The following BLOC1S6 variants were observed in gnomAD, a reference collection of about 807,000 sequenced individuals.
BLOC1S6 encodes biogenesis of lysosome-related organelles complex 1 subunit 6.
A neutral mutation model predicts 24.7 loss-of-function variants in BLOC1S6; 24 were observed. The observed-to-expected ratio is 0.97, with a 90% CI of 0.70 to 1.37. The LOEUF (loss-of-function observed/expected upper bound fraction) is 1.37, where lower values mean the gene tolerates loss of function less well. BLOC1S6 is among the 40% of genes most tolerant of loss of function. BLOC1S6 has a pLI of 0.00. For missense variants in BLOC1S6, 175 were observed against 196.2 expected, an observed-to-expected ratio of 0.89 and a Z score of 0.64; for synonymous variants, 76 against 72.6, an observed-to-expected ratio of 1.05 and a Z score of -0.23.
chr15:45,587,516 C>G lies in BLOC1S6; in HGVS notation c.73C>G (p.Pro25Ala). The change falls in exon 1 of 5, where the codon CCG becomes GCG. Residue 25 changes from proline (P) to alanine (A), a missense_variant. By Grantham distance (27) the Pro-to-Ala change is conservative. Coordinates refer to ENST00000220531, the MANE Select transcript of BLOC1S6 (RefSeq NM_012388.4). ...RPPYCLEAGE[P>A]TPGLSDTSPD... ...ACCCTACTGCCTGGAGGCCGGGGAG[C>G]CGACGCCTGGTACGTACTATCGGGT... 6.4e-7 allele frequency: 1 copy of G among 1,574,358 alleles called. No homozygotes were observed. The highest frequency in any genetic ancestry group is 8.6e-7 in the Non-Finnish European group (1 of 1,160,418).
At position 45,609,263 on chromosome 15, in the gene BLOC1S6, A is replaced by G. The variant is rs1383787280; in HGVS notation, c.*2749A>G. 6.6e-6 allele frequency: 1 copy of G among 152,146 alleles called. No individual in the cohort carries two copies. Among genetic ancestry groups the G allele is most frequent in the Non-Finnish European group, 1.5e-5 (1 of 68,044 alleles). The allele number at this position is 152,146 out of a possible 1,614,324, so 9.4% of individuals were successfully genotyped here. Reference sequence around the variant, plus strand: ...TTTGAGCCCAGGAGTTCAAGGCTGCAGTGAATTCTGATCGCACCACTGAAC... The same window carrying G: ...TTTGAGCCCAGGAGTTCAAGGCTGCGGTGAATTCTGATCGCACCACTGAAC... On this transcript the variant is annotated 3_prime_UTR_variant, in exon 5 of 5. Transcript: ENST00000220531.
chr15:45,605,779 A>G, intron 4 of BLOC1S6: 3 of 380,506 alleles, frequency 7.9e-6, no homozygotes, highest in Non-Finnish European at 1.5e-5. Context: ...TAGTAGAGAC[A>G]GCGTTCTACC....
At position 45,607,589 on chromosome 15, in the gene BLOC1S6, A is replaced by G. The variant is rs898796826; in HGVS notation, c.*1075A>G. On this transcript the variant is annotated 3_prime_UTR_variant, in exon 5 of 5. Coordinates refer to ENST00000220531, the MANE Select transcript of BLOC1S6 (RefSeq NM_012388.4). ...AAAGATTGAGACCATCCTGGCCAACATGGTGAAACCCCGTCTCTACTAGAA... is the reference window on the plus strand; with the variant it reads ...AAAGATTGAGACCATCCTGGCCAACGTGGTGAAACCCCGTCTCTACTAGAA... The G allele has an allele frequency of 6.6e-6, 1 of 152,246 alleles. No individual in the cohort carries two copies. The highest frequency in any genetic ancestry group is 1.5e-5 in the Non-Finnish European group (1 of 68,090). 9.4% of individuals were successfully genotyped at this position (152,246 alleles called of 1,614,324 possible).
intron 2 of BLOC1S6, 92 bp from the exon 3 acceptor site, chr15:45,603,008 T>C (rs1894322741): frequency 5.0e-6 from 4 of 803,480 alleles, no homozygotes; most frequent in Non-Finnish European, 8.7e-6. Flanking sequence ...CTTAACTAAC[T>C]GTTACCATTA....
intron 3 of BLOC1S6, among the ~76,000 whole-genome samples, chr15:45,604,532 T>A (rs1400725111): frequency 1.3e-5 from 2 of 152,198 alleles, no homozygotes; most frequent in Non-Finnish European, 2.9e-5. Flanking sequence ...TACTGTTGCT[T>A]TAGTCTGAAG....
rs776611013 is a variant in BLOC1S6 at position 45,605,402 on chromosome 15, C to A, written c.313-26C>A. 3.2e-6 allele frequency: 5 copies of A among 1,548,194 alleles called. No homozygotes were observed. In the Admixed American group the frequency reaches 8.4e-5, roughly 26 times the overall value. On this transcript the variant is annotated intron_variant, in intron 3 of 4. Coordinates refer to ENST00000220531, the MANE Select transcript of BLOC1S6 (RefSeq NM_012388.4). ...GATATTTTAGTCTATTTTAACTTGA[C>A]TTTTCATTTATTTTTCCATGTTAAG...
At chr15:45,587,761 A>T in intron 1 of BLOC1S6, 2 of 703,098 alleles carry the variant, frequency 2.8e-6, no homozygotes, top group Admixed American at 4.0e-5. Context: ...AAGGCGGTTG[A>T]TGGTGAAGCC....
At chr15:45,596,320 C>T (rs1298024921) in intron 2 of BLOC1S6, among the ~76,000 whole-genome samples, 2 of 152,104 alleles carry the variant, frequency 1.3e-5, no homozygotes, top group South Asian at 2.1e-4. Context: ...ATCTCGGCCT[C>T]CCAAGTAGCT....
chr15:45,605,297 G>A (rs1444071586), intron 3 of BLOC1S6, 131 bp from the exon 4 acceptor site: 1 of 657,494 alleles, frequency 1.5e-6, no homozygotes, highest in African/African-American at 1.8e-5. Context: ...GAATTAAAAT[G>A]TGAAGATAAG....
chr15:45,600,868 C>T (rs796635546), intron 2 of BLOC1S6, among the ~76,000 whole-genome samples: 10 of 152,140 alleles, frequency 6.6e-5, no homozygotes, highest in African/African-American at 2.4e-4. Flanking sequence ...TGCCCTTTAT[C>T]CAAAGGAGGA....
intron 1 of BLOC1S6, chr15:45,587,744 G>A: frequency 2.8e-6 from 2 of 704,432 alleles, no homozygotes; most frequent in Non-Finnish European, 5.2e-6. Context: ...TATTGGGGGT[G>A]CAATTGAAGG....
chr15:45,588,494 C>G (rs1053479569), intron 1 of BLOC1S6, among the ~76,000 whole-genome samples: 3 of 152,120 alleles, frequency 2.0e-5, no homozygotes, highest in Admixed American at 6.5e-5. Context: ...ACTTTTTCCT[C>G]TCTCTCTCCT....
chr15:45,594,749 A>T (rs1894006813), intron 2 of BLOC1S6, among the ~76,000 whole-genome samples: 1 of 151,836 alleles, frequency 6.6e-6, no homozygotes, highest in Non-Finnish European at 1.5e-5. Flanking sequence ...CCGCCCAGCT[A>T]ATTTTTTTGT....
rs1012819087 is a variant in BLOC1S6 at position 45,592,163 on chromosome 15, G to A, written c.111G>A (p.Gly37=). 1 of 1,614,016 alleles carries A rather than the reference G, an allele frequency of 6.2e-7. No individual in the cohort carries two copies. The highest frequency in any genetic ancestry group is 8.5e-7 in the Non-Finnish European group (1 of 1,180,040). The change falls in exon 2 of 5, where the codon GGG becomes GGA. Residue 37 remains glycine, a synonymous_variant. Coordinates refer to ENST00000220531, the MANE Select transcript of BLOC1S6 (RefSeq NM_012388.4). ...TAAGTGACACTTCTCCAGATGAAGG[G>A]TTAATAGAGGACTTGACTATAGAAG... ...PGLSDTSPDE[G]LIEDLTIEDK...
rs990076263 is a variant in BLOC1S6, at chr15:45,607,893, C to T, written c.*1379C>T. ...GCTTCACAAAAGAGGCAGCGTGATA[C>T]CTTTAGTGTTTTCTAGAATTTTTTT... On this transcript the variant is annotated 3_prime_UTR_variant, in exon 5 of 5. Transcript: ENST00000220531. 1 of 152,078 alleles carries T rather than the reference C, an allele frequency of 6.6e-6. No homozygotes were observed. The highest frequency in any genetic ancestry group is 1.5e-5 in the Non-Finnish European group (1 of 68,024). The allele number at this position is 152,078 out of a possible 1,614,324, so 9.4% of individuals were successfully genotyped here.
At chr15:45,587,570 G>A (rs1431492366) in intron 1 of BLOC1S6, 45 bp downstream of exon 1, 2 of 1,519,982 alleles carry the variant, frequency 1.3e-6, no homozygotes, top group South Asian at 1.2e-5. Flanking sequence ...TGGGTGTGAG[G>A]GGCGGGGACC....
At chr15:45,589,341 A>G (rs1048457356) in intron 1 of BLOC1S6, among the ~76,000 whole-genome samples, 1 of 152,256 alleles carries the variant, frequency 6.6e-6, no homozygotes. Context: ...AGAGTAGCTC[A>G]TGCTGGAGTT....
At chr15:45,605,708 G>C (rs1894429768) in intron 4 of BLOC1S6, 194 bp downstream of exon 4, 3 of 489,806 alleles carry the variant, frequency 6.1e-6, no homozygotes, top group East Asian at 8.0e-5. Flanking sequence ...TTCTGCCTCA[G>C]CTCCCCAGGT....
Position 45,592,127 on chromosome 15 carries a change from G to A in BLOC1S6, c.83-8G>A. ...AAGGTTCCTAAATTTGATTTTTGCT[G>A]GGGACAGGTTTAAGTGACACTTCTC... On this transcript the variant is annotated splice_region_variant and splice_polypyrimidine_tract_variant and intron_variant, in intron 1 of 4. Coordinates refer to ENST00000220531, the MANE Select transcript of BLOC1S6 (RefSeq NM_012388.4). The A allele has an allele frequency of 6.2e-7, 1 of 1,613,920 alleles. No homozygotes were observed.
Sources: allele counts gnomAD v4.1 joint callset (sites outside exome capture counted in the v4.1 genomes callset), GRCh38; gene constraint gnomAD v4.1.1; transcripts MANE v1.5; gene names NCBI Gene and HGNC (gene_info 2026-07-23, HGNC 2026-07-21).